The following TULP4 variants were observed in gnomAD, a reference collection of about 807,000 sequenced individuals.
TULP4 encodes the protein TUB like protein 4, also known as tubby-related protein 4.
Under a neutral mutation model 129.0 loss-of-function variants are expected in TULP4, and 16 were observed. The ratio of observed to expected loss-of-function variants is 0.12; its 90% confidence interval spans 0.08 to 0.19. The LOEUF (loss-of-function observed/expected upper bound fraction) is 0.19, where lower values mean the gene tolerates loss of function less well. Ranked by LOEUF, TULP4 falls within the 10% of genes least tolerant of loss-of-function variation. TULP4 has a pLI of 1.00. For synonymous variants in TULP4, 998 were observed against 854.0 expected, an observed-to-expected ratio of 1.17 and a Z score of -2.94; for missense variants, 1,842 against 2,059.1, an observed-to-expected ratio of 0.89 and a Z score of 2.04.
At chr6:158,464,303 T>C (rs1779507321) in intron 6 of TULP4, among the ~76,000 whole-genome samples, 1 of 152,186 alleles carries the variant, frequency 6.6e-6, no homozygotes, top group Non-Finnish European at 1.5e-5. Flanking sequence ...TGTGGAAAGA[T>C]AGGACATCTT....
Position 158,494,794 on chromosome 6 carries a change from C to T in TULP4, c.1818C>T (p.Thr606=). 1.2e-6 allele frequency: 2 copies of T among 1,614,002 alleles called. No individual in the cohort carries two copies. The highest frequency in any genetic ancestry group is 1.7e-6 in the Non-Finnish European group (2 of 1,179,992). ...LAQVTSNIWG[T]KFKIVGLAAF... is the part of the protein sequence containing the mutation. ...AGGTCACGTCTAATATCTGGGGAAC[C>T]AAATTTAAGATTGTGGGCTTGGCTG... is the stretch of plus-strand genomic sequence containing the variant. Residue 606 remains threonine (T), a synonymous_variant, in exon 11 of 14, where the codon ACC becomes ACT. Transcript: ENST00000367097.
At chr6:158,327,815 A>C (rs1216000598) in intron 1 of TULP4, among the ~76,000 whole-genome samples, 2 of 152,088 alleles carry the variant, frequency 1.3e-5, no homozygotes, top group Non-Finnish European at 2.9e-5. Flanking sequence ...TTAAATGTCT[A>C]ATGATCCTTG....
intron 1 of TULP4, among the ~76,000 whole-genome samples, chr6:158,327,847 G>C (rs1339011349): frequency 1.3e-5 from 2 of 152,116 alleles, no homozygotes; most frequent in Non-Finnish European, 2.9e-5. Context: ...AAATGTAAGA[G>C]TAGTGCACCA....
chr6:158,454,023 C>CA (rs1779232662), intron 5 of TULP4, among the ~76,000 whole-genome samples: 2 of 146,954 alleles, frequency 1.4e-5, no homozygotes, highest in African/African-American at 2.5e-5. Context: ...TCTGCACCGC[C>CA]CCCCCCCAAG....
intron 1 of TULP4, among the ~76,000 whole-genome samples, chr6:158,403,031 A>C (rs1777890301): frequency 6.6e-6 from 1 of 152,168 alleles, no homozygotes; most frequent in African/African-American, 2.4e-5. Context: ...GGCTGACATG[A>C]ACAGTAAAAG....
rs539981029 is a variant in TULP4, at chr6:158,494,871, A to G, written c.1870+25A>G. The G allele has an allele frequency of 9.7e-5, 155 of 1,599,830 alleles. 1 individual carries two copies. The South Asian group carries it at 1.6e-3, about 16-fold the overall frequency. On this transcript the variant is annotated intron_variant, in intron 11 of 13. Coordinates refer to ENST00000367097, the MANE Select transcript of TULP4 (RefSeq NM_020245.5). ...GGTAAAAATCATGTCCTCTTCTCTC[A>G]TTGTCCCAGTTGGAACAAACTAAAA...
intron 1 of TULP4, among the ~76,000 whole-genome samples, chr6:158,331,092 T>G (rs1779868318): frequency 6.6e-6 from 1 of 152,112 alleles, no homozygotes. Context: ...TTGTTATTGG[T>G]TTTTTTCCCC....
intron 6 of TULP4, among the ~76,000 whole-genome samples, chr6:158,475,220 G>A (rs1236155125): frequency 3.9e-5 from 6 of 152,316 alleles, no homozygotes; most frequent in Non-Finnish European, 8.8e-5. Context: ...TCAGCATTGA[G>A]GGGGAGAAGC....
At chr6:158,263,683 G>A (rs1337797367) in intron 1 of TULP4, among the ~76,000 whole-genome samples, 1 of 152,150 alleles carries the variant, frequency 6.6e-6, no homozygotes, top group African/African-American at 2.4e-5. Context: ...TTGAGCCTGA[G>A]AGGTTGAGGT....
At chr6:158,247,076 T>G (rs1296375488) in intron 1 of TULP4, among the ~76,000 whole-genome samples, 1 of 152,246 alleles carries the variant, frequency 6.6e-6, no homozygotes, top group Non-Finnish European at 1.5e-5. Context: ...TTTCTCACTT[T>G]TTAAAAATTA....
At chr6:158,409,671 A>C (rs1778048578) in intron 1 of TULP4, among the ~76,000 whole-genome samples, 1 of 152,158 alleles carries the variant, frequency 6.6e-6, no homozygotes, top group Non-Finnish European at 1.5e-5. Context: ...AATTATAGAC[A>C]GGGGAGGAAA....
At chr6:158,472,812 G>A (rs1285276020) in intron 6 of TULP4, among the ~76,000 whole-genome samples, 1 of 152,190 alleles carries the variant, frequency 6.6e-6, no homozygotes, top group African/African-American at 2.4e-5. Context: ...AATGCTTGTG[G>A]CTGGAGCTCT....
chr6:158,240,753 C>T (rs1396686793), intron 1 of TULP4, among the ~76,000 whole-genome samples: 1 of 136,618 alleles, frequency 7.3e-6, no homozygotes, highest in Non-Finnish European at 1.6e-5. Context: ...GGGGCTGACC[C>T]CCCCACCTCC....
At chr6:158,337,964 TA>T (rs968068046) in intron 1 of TULP4, among the ~76,000 whole-genome samples, 1 of 152,114 alleles carries the variant, frequency 6.6e-6, no homozygotes, top group African/African-American at 2.4e-5. Context: ...GTCAAGTGGG[TA>T]AAGTCACACT....
intron 1 of TULP4, among the ~76,000 whole-genome samples, chr6:158,289,237 AT>A (rs1249769292): frequency 1.3e-5 from 2 of 152,136 alleles, no homozygotes; most frequent in African/African-American, 2.4e-5. Flanking sequence ...CTTAAGTTTC[AT>A]GGTGTCTGTA....
chr6:158,363,458 A>C (rs1023348713), intron 1 of TULP4, among the ~76,000 whole-genome samples: 1 of 152,074 alleles, frequency 6.6e-6, no homozygotes, highest in Non-Finnish European at 1.5e-5. Context: ...TGTAAGTTGA[A>C]GGTATGATAG....
At chr6:158,470,189 A>G (rs1779647066) in intron 6 of TULP4, among the ~76,000 whole-genome samples, 1 of 152,254 alleles carries the variant, frequency 6.6e-6, no homozygotes, top group Non-Finnish European at 1.5e-5. Flanking sequence ...GATCAGGAAC[A>G]CAGCAGACAC....
upstream of TULP4, among the ~76,000 whole-genome samples, chr6:158,307,876 TAAA>T (rs975167678): frequency 6.6e-6 from 1 of 151,810 alleles, no homozygotes; most frequent in Non-Finnish European, 1.5e-5. Context: ...GGATAAAAAA[TAAA>T]AAAAATCACA....
At chr6:158,438,489 G>C (rs1364470854) in intron 3 of TULP4, among the ~76,000 whole-genome samples, 1 of 152,236 alleles carries the variant, frequency 6.6e-6, no homozygotes, top group African/African-American at 2.4e-5. Context: ...TGTCGGCATA[G>C]TCAGAAAGGA....
Sources: allele counts gnomAD v4.1 joint callset (sites outside exome capture counted in the v4.1 genomes callset), GRCh38; gene constraint gnomAD v4.1.1; transcripts MANE v1.5; gene names NCBI Gene and HGNC (gene_info 2026-07-23, HGNC 2026-07-21).